Variants in MRPL48 observed in about 807,000 individuals in gnomAD.
The protein encoded by MRPL48 is large ribosomal subunit protein mL48.
In MRPL48, 16 loss-of-function variants were observed where a neutral mutation model predicts 32.9. That is an observed-to-expected ratio of 0.49 (90% CI 0.33 to 0.74). The LOEUF (loss-of-function observed/expected upper bound fraction) is 0.74, where lower values mean the gene tolerates loss of function less well. Ranked by LOEUF, MRPL48 falls within the 30% of genes least tolerant of loss-of-function variation. The pLI, the probability that MRPL48 is intolerant of heterozygous loss-of-function variation, is 0.02. For synonymous variants in MRPL48, 94 were observed against 89.2 expected, an observed-to-expected ratio of 1.05 and a Z score of -0.31; for missense variants, 206 against 245.3, an observed-to-expected ratio of 0.84 and a Z score of 1.07.
At chr11:73,825,862 G>C in intron 4 of MRPL48, 66 bp downstream of exon 4, 1 of 1,320,138 alleles carries the variant, frequency 7.6e-7, no homozygotes, top group Non-Finnish European at 1.1e-6. Flanking sequence ...CTGAAGATCA[G>C]ATATGTATAG....
chr11:73,822,257 T>C (rs993511714), intron 3 of MRPL48, among the ~76,000 whole-genome samples: 1 of 152,130 alleles, frequency 6.6e-6, no homozygotes, highest in African/African-American at 2.4e-5. Flanking sequence ...TGCAGCTGTT[T>C]CCTCATCTGA....
chr11:73,852,109 A>C (rs1472881513), intron 5 of MRPL48, among the ~76,000 whole-genome samples: 1 of 152,170 alleles, frequency 6.6e-6, no homozygotes. Context: ...CTTATGCCAA[A>C]ATGTACATTA....
intron 3 of MRPL48, among the ~76,000 whole-genome samples, chr11:73,812,613 A>T (rs189485216): frequency 4.9e-4 from 75 of 151,754 alleles, no homozygotes; most frequent in African/African-American, 1.7e-3. Context: ...AAGTCCCAGA[A>T]TGGTCCTTTG....
intron 5 of MRPL48, among the ~76,000 whole-genome samples, chr11:73,854,889 ACTGC>A (rs1216063116): frequency 6.6e-6 from 1 of 152,136 alleles, no homozygotes; most frequent in East Asian, 1.9e-4. Context: ...CTGGAGCCAA[ACTGC>A]CTGAGTTTTC....
intron 3 of MRPL48, among the ~76,000 whole-genome samples, chr11:73,819,470 A>G (rs1317635883): frequency 6.6e-6 from 1 of 152,136 alleles, no homozygotes; most frequent in East Asian, 1.9e-4. Context: ...ACGTTTTATT[A>G]TATATTGGAG....
chr11:73,854,950 A>T (rs1462787243), intron 5 of MRPL48, among the ~76,000 whole-genome samples: 1 of 152,106 alleles, frequency 6.6e-6, no homozygotes, highest in East Asian at 1.9e-4. Flanking sequence ...AGTTTGCTCA[A>T]CCTCTTTGTG....
At chr11:73,825,821 G>A (rs1262109310) in intron 4 of MRPL48, 25 bp downstream of exon 4, 1 of 1,539,478 alleles carries the variant, frequency 6.5e-7, no homozygotes, top group South Asian at 1.2e-5. Flanking sequence ...GAGTCTTTTG[G>A]AAAAGGATAA....
chr11:73,810,555 C>CTT (rs141775960), intron 3 of MRPL48, among the ~76,000 whole-genome samples: 1 of 114,624 alleles, frequency 8.7e-6, no homozygotes, highest in African/African-American at 4.5e-5. Context: ...TGTTTTCTTT[C>CTT]TTTATTTTTT....
At chr11:73,788,632 C>G (rs1480420401) in intron 1 of MRPL48, among the ~76,000 whole-genome samples, 1 of 151,870 alleles carries the variant, frequency 6.6e-6, no homozygotes, top group Non-Finnish European at 1.5e-5. Context: ...GGACACCATG[C>G]CGGGCTAATT....
At chr11:73,800,039 A>AC (rs1323753746) in intron 1 of MRPL48, among the ~76,000 whole-genome samples, 1 of 152,092 alleles carries the variant, frequency 6.6e-6, no homozygotes, top group Non-Finnish European at 1.5e-5. Flanking sequence ...ATTTACATAA[A>AC]CTTTTTTTTC....
At chr11:73,844,507 G>A (rs1009000896) in intron 4 of MRPL48, among the ~76,000 whole-genome samples, 1 of 152,174 alleles carries the variant, frequency 6.6e-6, no homozygotes, top group African/African-American at 2.4e-5. Flanking sequence ...AGAAATGGGA[G>A]GTGAATCTCA....
At chr11:73,799,626 A>C (rs1241719915) in intron 1 of MRPL48, among the ~76,000 whole-genome samples, 1 of 152,110 alleles carries the variant, frequency 6.6e-6, no homozygotes, top group African/African-American at 2.4e-5. Flanking sequence ...GGAGACTTGG[A>C]AGGGTGGGAA....
intron 2 of MRPL48, among the ~76,000 whole-genome samples, chr11:73,806,343 A>G (rs1365604170): frequency 6.6e-6 from 1 of 151,988 alleles, no homozygotes; most frequent in Non-Finnish European, 1.5e-5. Context: ...TAATCTAAGC[A>G]CCTTCCCACC....
chr11:73,848,468 A>T (rs942543734), intron 5 of MRPL48, among the ~76,000 whole-genome samples: 1 of 143,284 alleles, frequency 7.0e-6, no homozygotes, highest in Non-Finnish European at 1.5e-5. Context: ...TGTTGATTCT[A>T]CAGAAAAGAG....
chr11:73,835,495 A>G (rs956223436), intron 4 of MRPL48, among the ~76,000 whole-genome samples: 2 of 152,222 alleles, frequency 1.3e-5, no homozygotes, highest in African/African-American at 4.8e-5. Context: ...TGCTTAATAC[A>G]TTCTTCATTT....
chr11:73,788,624 A>G (rs915645273), intron 1 of MRPL48, among the ~76,000 whole-genome samples: 3 of 151,242 alleles, frequency 2.0e-5, no homozygotes, highest in Non-Finnish European at 4.4e-5. Context: ...CAGGCGCGGG[A>G]CACCATGCCG....
chr11:73,844,055 G>A (rs555520015), intron 4 of MRPL48, among the ~76,000 whole-genome samples: 2 of 151,770 alleles, frequency 1.3e-5, no homozygotes, highest in Non-Finnish European at 2.9e-5. Context: ...TTCCAGCCTG[G>A]GCGACAAGAG....
chr11:73,799,077 C>CTGATAAA (rs1453213800), intron 1 of MRPL48, among the ~76,000 whole-genome samples: 13 of 151,838 alleles, frequency 8.6e-5, no homozygotes, highest in African/African-American at 2.4e-4. Flanking sequence ...TTTGAAGCTT[C>CTGATAAA]TGATAAATGA....
At chr11:73,861,240 G>A (rs990135989) in intron 6 of MRPL48, among the ~76,000 whole-genome samples, 1 of 152,170 alleles carries the variant, frequency 6.6e-6, no homozygotes, top group Non-Finnish European at 1.5e-5. Flanking sequence ...GATCTGACAT[G>A]CCAGAAGCCC....
Sources: allele counts gnomAD v4.1 joint callset (sites outside exome capture counted in the v4.1 genomes callset), GRCh38; gene constraint gnomAD v4.1.1; transcripts MANE v1.5; gene names NCBI Gene and HGNC (gene_info 2026-07-23, HGNC 2026-07-21).